RAPGEF5: variants seen among roughly 807,000 people sequenced by gnomAD.
The protein encoded by RAPGEF5 is Rap guanine nucleotide exchange factor 5.
RAPGEF5 carries 65 observed loss-of-function variants against 125.2 expected under a neutral mutation model. That is an observed-to-expected ratio of 0.52 (90% CI 0.43 to 0.64). The LOEUF (loss-of-function observed/expected upper bound fraction) is 0.64, where lower values mean the gene tolerates loss of function less well. Ranked by LOEUF, RAPGEF5 falls within the 30% of genes least tolerant of loss-of-function variation. RAPGEF5 has a pLI of 0.00. For missense variants in RAPGEF5, 958 were observed against 1,048.1 expected (o/e 0.91, Z 1.19); for synonymous variants, 391 against 385.9 (o/e 1.01, Z -0.16).
rs536499842 is a variant in RAPGEF5, at chr7:22,195,503, C to T, written c.997-1470G>A. Among the ~76,000 whole-genome samples the T allele has an allele frequency of 5.3e-5, 8 of 151,932 alleles. No homozygotes were observed. The South Asian group carries it at 6.2e-4, about 12-fold the overall frequency. On this transcript the variant is annotated intron_variant, in intron 9 of 25. Coordinates refer to ENST00000665637, the MANE Select transcript of RAPGEF5 (RefSeq NM_012294.5). ...GGTAAATAATTTCACTATGTAAAAC[C>T]GATGTATTACATTTCAGCAAGGTCA...
At chr7:22,139,235 G>A (rs941665496) in intron 21 of RAPGEF5, among the ~76,000 whole-genome samples, 1 of 152,158 alleles carries the variant, frequency 6.6e-6, no homozygotes, top group Non-Finnish European at 1.5e-5. Flanking sequence ...GGAGGCTGAG[G>A]AGACCACAGT....
At position 22,136,833 on chromosome 7, in the gene RAPGEF5, T is replaced by C; in HGVS notation, c.2328+100A>G. ...TACAAGTAAACTAGTCTAGGCTACC[T>C]GACACGGTAGAGTACAAATACCACC... On this transcript the variant is annotated intron_variant, in intron 22 of 25. Coordinates refer to ENST00000665637, the MANE Select transcript of RAPGEF5 (RefSeq NM_012294.5). 4.8e-6 allele frequency: 5 copies of C among 1,041,296 alleles called. No homozygotes were observed. In the South Asian group the frequency reaches 6.0e-5, roughly 12 times the overall value. 64.5% of individuals were successfully genotyped at this position (1,041,296 alleles called of 1,614,324 possible). A position where few individuals can be genotyped will look rare whatever the true frequency, so the allele number is the denominator to read the frequency against.
chr7:22,173,987 G>A (rs1784430222), intron 11 of RAPGEF5, among the ~76,000 whole-genome samples: 1 of 151,950 alleles, frequency 6.6e-6, no homozygotes, highest in African/African-American at 2.4e-5. Flanking sequence ...AATCTAACGG[G>A]GTAGCCTAAT....
At chr7:22,356,353 C>A in intron 1 of RAPGEF5, 2 of 702,378 alleles carry the variant, frequency 2.8e-6, no homozygotes, top group East Asian at 1.3e-4. Context: ...TGCCCCTCGG[C>A]GGTGGAGACC....
intron 7 of RAPGEF5, among the ~76,000 whole-genome samples, chr7:22,231,387 T>C (rs1033970702): frequency 1.3e-5 from 2 of 152,192 alleles, no homozygotes; most frequent in African/African-American, 4.8e-5. Context: ...TTGTGGAGTC[T>C]TGAATCCGTA....
At chr7:22,291,059 A>G (rs1782923595) in intron 6 of RAPGEF5, 116 bp downstream of exon 6, 3 of 1,219,614 alleles carry the variant, frequency 2.5e-6, no homozygotes, top group Admixed American at 3.2e-5. Flanking sequence ...ACCTCCCACA[A>G]TGATGAGCAG....
At chr7:22,133,326 T>G (rs945802601) in intron 23 of RAPGEF5, among the ~76,000 whole-genome samples, 1 of 152,082 alleles carries the variant, frequency 6.6e-6, no homozygotes, top group Admixed American at 6.5e-5. Flanking sequence ...CAGGTTTCGA[T>G]GCAGTTGAAT....
chr7:22,332,117 CA>C lies in RAPGEF5; in HGVS notation c.232-14081del, dbSNP rs959071580. 5.3e-5 allele frequency among the ~76,000 whole-genome samples: 8 copies of C among 150,780 alleles called. No homozygotes were observed. In the East Asian group the frequency reaches 7.8e-4, roughly 15 times the overall value. The stretch of plus-strand genomic sequence containing the variant: ...ATGTGTATTTTATGACAATTAAAAG[CA>C]AAAAAAAATTTTAACTATATTTGAC... On this transcript the variant is annotated intron_variant, in intron 1 of 25. Coordinates refer to ENST00000665637, the MANE Select transcript of RAPGEF5 (RefSeq NM_012294.5).
chr7:22,323,476 G>T (rs144490814), intron 1 of RAPGEF5, among the ~76,000 whole-genome samples: 47 of 152,244 alleles, frequency 3.1e-4, no homozygotes, highest in Non-Finnish European at 5.0e-4. Context: ...ATTTCTTTTG[G>T]GCTGTGTTTA....
chr7:22,312,873 G>T (rs1169590240), intron 3 of RAPGEF5, among the ~76,000 whole-genome samples: 1 of 152,160 alleles, frequency 6.6e-6, no homozygotes, highest in Admixed American at 6.5e-5. Flanking sequence ...TGCATTTAAT[G>T]CCTTGTCCCC....
chr7:22,193,306 G>T, intron 11 of RAPGEF5, 61 bp downstream of exon 11: 1 of 1,511,462 alleles, frequency 6.6e-7, no homozygotes, highest in Non-Finnish European at 8.9e-7. Context: ...TTGCCCCTGA[G>T]GGTACTGACA....
chr7:22,262,255 G>A (rs931262187), intron 7 of RAPGEF5, among the ~76,000 whole-genome samples: 29 of 151,886 alleles, frequency 1.9e-4, no homozygotes, highest in African/African-American at 7.0e-4. Flanking sequence ...ATGGGCAAAA[G>A]GCATCAACAA....
At chr7:22,348,021 G>A (rs1432147691) in intron 1 of RAPGEF5, among the ~76,000 whole-genome samples, 1 of 152,104 alleles carries the variant, frequency 6.6e-6, no homozygotes, top group Non-Finnish European at 1.5e-5. Flanking sequence ...GTTTTTAGAG[G>A]AAAAGGAGAG....
At chr7:22,290,788 G>A (rs1247733746) in intron 6 of RAPGEF5, among the ~76,000 whole-genome samples, 1 of 151,468 alleles carries the variant, frequency 6.6e-6, no homozygotes, top group Non-Finnish European at 1.5e-5. Flanking sequence ...TTGCAATATG[G>A]TACATTAAAA....
At chr7:22,290,724 G>C (rs538760712) in intron 6 of RAPGEF5, among the ~76,000 whole-genome samples, 5 of 129,802 alleles carry the variant, frequency 3.9e-5, no homozygotes, top group Admixed American at 1.8e-4. Context: ...CAGCCTGGGC[G>C]ACAGAGCGAG....
At position 22,160,493 on chromosome 7, in the gene RAPGEF5, A is replaced by G. The variant is rs1178606147; in HGVS notation, c.1526+25T>C. ...TTGCTGCTGTTTTCTTTCATTAACT[A>G]TAATTAGGAAAATGAAATACTTACT... On this transcript the variant is annotated intron_variant, in intron 14 of 25. Coordinates refer to ENST00000665637, the MANE Select transcript of RAPGEF5 (RefSeq NM_012294.5). 46 of 1,530,386 alleles carry G rather than the reference A, an allele frequency of 3.0e-5. No homozygotes were observed. The Admixed American group carries it at 8.7e-4, about 29-fold the overall frequency. 94.8% of individuals were successfully genotyped at this position (1,530,386 alleles called of 1,614,324 possible). A position where few individuals can be genotyped will look rare whatever the true frequency, so the allele number is the denominator to read the frequency against.
At chr7:22,301,578 G>A (rs1042993113) in intron 5 of RAPGEF5, among the ~76,000 whole-genome samples, 1 of 140,612 alleles carries the variant, frequency 7.1e-6, no homozygotes, top group Non-Finnish European at 1.5e-5. Flanking sequence ...TCGTGCCACT[G>A]CACTCCAGTC....
chr7:22,267,127 A>G, intron 6 of RAPGEF5, 115 bp from the exon 7 acceptor site: 1 of 985,716 alleles, frequency 1.0e-6, no homozygotes, highest in East Asian at 2.6e-5. Context: ...AATTAAACCT[A>G]AGTTTGCTGC....
At chr7:22,316,254 C>G (rs1783586617) in intron 2 of RAPGEF5, among the ~76,000 whole-genome samples, 1 of 151,546 alleles carries the variant, frequency 6.6e-6, no homozygotes, top group African/African-American at 2.4e-5. Context: ...TGAAAATAAG[C>G]TGTCTTCATA....
Sources: gnomAD v4.1 joint callset for allele counts (sites outside exome capture counted in the v4.1 genomes callset) on GRCh38, gnomAD v4.1.1 for gene constraint, MANE v1.5 for transcripts, NCBI Gene and HGNC (gene_info 2026-07-23, HGNC 2026-07-21) for gene names.